The following MROH6 variants were observed in gnomAD, a reference collection of about 807,000 sequenced individuals.
MROH6 encodes maestro heat like repeat family member 6.
MROH6 carries 62 observed loss-of-function variants against 67.7 expected under a neutral mutation model. That is an observed-to-expected ratio of 0.92 (90% CI 0.75 to 1.13). The LOEUF is 1.13. Ranked by LOEUF, MROH6 falls within the 50% of genes most tolerant of loss-of-function variation. The probability of loss-of-function intolerance (pLI) is 0.00; values close to 1 mark genes in which losing one functional copy is unlikely to be tolerated. For missense variants in MROH6, 1,175 were observed against 1,029.1 expected, an observed-to-expected ratio of 1.14 and a Z score of -1.94; for synonymous variants, 566 against 470.8, an observed-to-expected ratio of 1.20 and a Z score of -2.62.
In MROH6 at chr8:143,569,529, G is replaced by A. The variant is rs773667800; in HGVS notation, c.1388C>T (p.Ala463Val). ...GGGCCGCAGCAGGAGCCTCCTCAGGGCGCCCAGCGCTGCACCCACGAGCCG... is the reference window on the plus strand; with the variant it reads ...GGGCCGCAGCAGGAGCCTCCTCAGGACGCCCAGCGCTGCACCCACGAGCCG... ...DARLVGAALG[A>V]LRRLLLRPRA... Residue 463 changes from alanine to valine, a missense_variant, in exon 9 of 14, where the codon GCC (alanine) becomes GTC (valine). Physicochemically the swap from Ala to Val is moderately conservative, Grantham distance 64. Transcript: ENST00000398882. 2.3e-5 allele frequency: 34 copies of A among 1,507,100 alleles called. No individual in the cohort carries two copies. Among genetic ancestry groups the A allele is most frequent in the East Asian group, 7.8e-5 (3 of 38,334 alleles). 93.4% of individuals were successfully genotyped at this position (1,507,100 alleles called of 1,614,324 possible).
At position 143,570,920 on chromosome 8, in the gene MROH6, C is replaced by T. The variant is rs1265844703; in HGVS notation, c.677G>A (p.Trp226Ter). The T allele has an allele frequency of 6.5e-7, 1 of 1,548,932 alleles. No homozygotes were observed. The highest frequency in any genetic ancestry group is 8.7e-7 in the Non-Finnish European group (1 of 1,146,916). The change falls in exon 4 of 14, where the codon TGG becomes TAG. Residue 226 changes from tryptophan (W) to a stop codon, truncating the protein, a stop_gained. Coordinates refer to ENST00000398882, the MANE Select transcript of MROH6 (RefSeq NM_001100878.2). LOFTEE classifies it high-confidence loss of function. ...CGGCCCCGAAGCACCCTTCAGCGCC[C>T]ACAGCAGTTGCACCAGCACCTGCCC... ...VNGQVLVQLLWALKGASGPEP... is the reference protein window; with the variant it reads ...VNGQVLVQLL
At position 143,572,669 on chromosome 8, in the gene MROH6, C is replaced by T. The variant is rs370287650; in HGVS notation, c.46G>A (p.Val16Met). ...WGRSRAREAP[V>M]GALTLTALTE... ...AGTGCTGTCAGGGTTAGAGCCCCCA[C>T]GGGAGCCTCCCGGGCCCGGCTCCGG... The change falls in exon 1 of 14, where the codon GTG (valine) becomes ATG (methionine). Residue 16 changes from valine to methionine, a missense_variant. By Grantham distance (21) the Val-to-Met change is conservative. Coordinates refer to ENST00000398882, the MANE Select transcript of MROH6 (RefSeq NM_001100878.2). The T allele has an allele frequency of 2.4e-5, 37 of 1,543,606 alleles. No homozygotes were observed. The Middle Eastern group carries it at 5.4e-4, about 23-fold the overall frequency.
chr8:143,571,569 C>T, intron 3 of MROH6, 98 bp downstream of exon 3: 4 of 1,474,658 alleles, frequency 2.7e-6, no homozygotes, highest in Non-Finnish European at 3.6e-6. Context: ...GAGGCCCTGC[C>T]CCTTTTCAGC....
Position 143,567,191 on chromosome 8 carries a change from G to C in MROH6, c.*48C>G. On this transcript the variant is annotated 3_prime_UTR_variant, in exon 14 of 14. Coordinates refer to ENST00000398882, the MANE Select transcript of MROH6 (RefSeq NM_001100878.2). Reference sequence around the variant, plus strand: ...AGGGCGGGGACAGGCTGCTATGCGCGTGGGGTGCCCGAGTCGGACCCTGGC... The same window carrying C: ...AGGGCGGGGACAGGCTGCTATGCGCCTGGGGTGCCCGAGTCGGACCCTGGC... 2 of 1,090,318 alleles carry C rather than the reference G, an allele frequency of 1.8e-6. No homozygotes were observed. The highest frequency in any genetic ancestry group is 2.3e-6 in the Non-Finnish European group (2 of 862,424). 67.5% of individuals were successfully genotyped at this position (1,090,318 alleles called of 1,614,324 possible).
rs1168574279 is a variant in MROH6, at chr8:143,570,891, G to A, written c.706C>T (p.Pro236Ser). The change falls in exon 4 of 14, where the codon CCC (proline) becomes TCC (serine). Residue 236 changes from proline (P) to serine (S), a missense_variant. Pro to Ser is a moderately conservative substitution (Grantham distance 74, BLOSUM62 -1). Coordinates refer to ENST00000398882, the MANE Select transcript of MROH6 (RefSeq NM_001100878.2). The stretch of plus-strand genomic sequence containing the variant: ...GAGCCACCTACCGCCAGTGCCTGGG[G>A]CTCCGGCCCCGAAGCACCCTTCAGC... Reference protein sequence around the residue: ...WALKGASGPEPQALAATRALG... With the variant: ...WALKGASGPESQALAATRALG... 2.6e-6 allele frequency: 4 copies of A among 1,546,730 alleles called. No individual in the cohort carries two copies. Among genetic ancestry groups the A allele is most frequent in the Middle Eastern group, 2.3e-4 (1 of 4,430 alleles).
chr8:143,572,260 C>T, intron 1 of MROH6, 75 bp from the exon 2 acceptor site: 1 of 1,570,282 alleles, frequency 6.4e-7, no homozygotes, highest in Non-Finnish European at 8.6e-7. Flanking sequence ...CGGCCTCCCA[C>T]CTGGCTTCCT....
intron 12 of MROH6, 24 bp downstream of exon 12, chr8:143,567,762 C>A: frequency 6.4e-7 from 1 of 1,568,068 alleles, no homozygotes; most frequent in South Asian, 1.2e-5. Flanking sequence ...GTGCCAGGGG[C>A]AGTGTGACCC....
At position 143,571,669 on chromosome 8, in the gene MROH6, A is replaced by G; in HGVS notation, c.600T>C (p.Asp200=). The G allele has an allele frequency of 6.4e-7, 1 of 1,556,878 alleles. No individual in the cohort carries two copies. Among genetic ancestry groups the G allele is most frequent in the Non-Finnish European group, 8.7e-7 (1 of 1,150,846 alleles). ...CALLPRSLPA[D]RVAAELWRSL... The stretch of plus-strand genomic sequence containing the variant: ...CAGGGCCAGGACGGTTGGGTTACCG[A>G]TCGGCGGGCAGAGAGCGGGGTAGCA... The change falls in exon 3 of 14, where the codon GAT becomes GAC. Residue 200 remains aspartate, a splice_region_variant and synonymous_variant. Coordinates refer to ENST00000398882, the MANE Select transcript of MROH6 (RefSeq NM_001100878.2).
In MROH6 at chr8:143,572,135, G is replaced by A. The variant is rs1224004559; in HGVS notation, c.345C>T (p.Tyr115=). ...CAGCCTCCTCCAGGCAGGCAGCCGT[G>A]TACAACGCGAGGTCGGCAAGAACTC... is the stretch of plus-strand genomic sequence containing the variant. The part of the protein sequence containing the change: ...EEGVLADLAL[Y]TAACLEEAGF... The change falls in exon 2 of 14, where the codon TAC becomes TAT. Residue 115 remains tyrosine, a synonymous_variant. Transcript: ENST00000398882. The A allele has an allele frequency of 6.2e-7, 1 of 1,613,060 alleles. No homozygotes were observed.
chr8:143,572,207 G>A (rs749869739), intron 1 of MROH6, 22 bp from the exon 2 acceptor site: 34 of 1,610,706 alleles, frequency 2.1e-5, no homozygotes, highest in East Asian at 6.7e-5. Flanking sequence ...TGGGTGGGGC[G>A]TCTGAAGTGC....
intron 4 of MROH6, 83 bp from the exon 5 acceptor site, chr8:143,570,740 G>A: frequency 1.4e-6 from 2 of 1,459,374 alleles, no homozygotes; most frequent in East Asian, 2.4e-5. Context: ...CTGTCAACAG[G>A]ATGGGGACAG....
chr8:143,569,767 C>T lies in MROH6; in HGVS notation c.1232G>A (p.Gly411Glu), dbSNP rs1315083797. 2.5e-6 allele frequency: 4 copies of T among 1,613,042 alleles called. No homozygotes were observed. The East Asian group carries it at 8.9e-5, about 36-fold the overall frequency. Residue 411 changes from glycine to glutamate, a missense_variant, in exon 8 of 14, where the codon GGA becomes GAA. Transcript: ENST00000398882. ...CCAGCGCACAGTGGGTTCGGGGTCT[C>T]CCTGCCAGGTGAGGAGTCGCTCCAG... ...VILERLLTWQGDPEPTVRWLG... is the reference protein window; with the variant it reads ...VILERLLTWQEDPEPTVRWLG...
At chr8:143,567,986 C>T (rs1823729023) in intron 11 of MROH6, 98 bp from the exon 12 acceptor site, 14 of 1,436,552 alleles carry the variant, frequency 9.7e-6, no homozygotes, top group Non-Finnish European at 1.2e-5. Flanking sequence ...CAGGGGAGCC[C>T]CCAGGGCAGG....
intron 1 of MROH6, 56 bp downstream of exon 1, chr8:143,572,365 A>C: frequency 1.3e-6 from 2 of 1,492,898 alleles, no homozygotes; most frequent in Non-Finnish European, 1.8e-6. Flanking sequence ...CCTTCCACCT[A>C]CCATCCACAG....
intron 9 of MROH6, 47 bp downstream of exon 9, chr8:143,569,394 C>T: frequency 2.4e-6 from 3 of 1,227,780 alleles, no homozygotes; most frequent in Non-Finnish European, 3.0e-6. Context: ...AGGGCGGGGG[C>T]GGTGACAGCG....
At position 143,569,956 on chromosome 8, in the gene MROH6, TGAAG is replaced by T; in HGVS notation, c.1149_1152del (p.Phe383LeufsTer47). 1 of 1,611,304 alleles carries T rather than the reference TGAAG, an allele frequency of 6.2e-7. No individual in the cohort carries two copies. The highest frequency in any genetic ancestry group is 8.5e-7 in the Non-Finnish European group (1 of 1,179,720). On this transcript the variant is annotated frameshift_variant, in exon 7 of 14. Transcript: ENST00000398882. LOFTEE classifies it high-confidence loss of function. ...CATCCGGGAAGCAGGCTCACCCCTG[TGAAG>T]AAGGCCATAGCCGTGAGACGCTGCG... is the stretch of plus-strand genomic sequence containing the variant.
chr8:143,571,041 T>C, intron 3 of MROH6, 47 bp from the exon 4 acceptor site: 1 of 1,512,250 alleles, frequency 6.6e-7, no homozygotes, highest in Non-Finnish European at 9.0e-7. Context: ...TGGGTGGGTG[T>C]CCAGGGAATG....
In MROH6 at chr8:143,568,654, GC is replaced by G; in HGVS notation, c.1541del (p.Gly514AlafsTer68). 2 of 1,531,596 alleles carry G rather than the reference GC, an allele frequency of 1.3e-6. No individual in the cohort carries two copies. Among genetic ancestry groups the G allele is most frequent in the Admixed American group, 2.0e-5 (1 of 50,432 alleles). The allele number at this position is 1,531,596 out of a possible 1,614,324, so 94.9% of individuals were successfully genotyped here. A position where few individuals can be genotyped will look rare whatever the true frequency, so the allele number is the denominator to read the frequency against. ...GGCCGCGGAGCCCCAGCCGGAGCCC[GC>G]CCCGGCCCCGGCGCACCAGAGTCCC... ...LLGTLVRRGR[G>X]GLRLGLRGPL... On this transcript the variant is annotated frameshift_variant, in exon 10 of 14. Transcript: ENST00000398882. LOFTEE classifies it high-confidence loss of function.
chr8:143,567,110 TG>T lies in MROH6; in HGVS notation c.*128del. The T allele has an allele frequency of 2.3e-5, 6 of 261,348 alleles. No homozygotes were observed. Among genetic ancestry groups the T allele is most frequent in the Non-Finnish European group, 2.7e-5 (5 of 182,332 alleles). The allele number at this position is 261,348 out of a possible 1,614,324, so 16.2% of individuals were successfully genotyped here. ...GGTGCCTGAAGAGGGGTCACGGGGGTGGGGGGTGGGGGAGGGCATTGGCGTC... is the reference window on the plus strand; with the variant it reads ...GGTGCCTGAAGAGGGGTCACGGGGGTGGGGGTGGGGGAGGGCATTGGCGTC... On this transcript the variant is annotated 3_prime_UTR_variant, in exon 14 of 14. Coordinates refer to ENST00000398882, the MANE Select transcript of MROH6 (RefSeq NM_001100878.2).
Sources: allele counts gnomAD v4.1 joint callset, GRCh38; gene constraint gnomAD v4.1.1; transcripts MANE v1.5; gene names NCBI Gene and HGNC (gene_info 2026-07-23, HGNC 2026-07-21).